The following ATP6V1C2 variants were observed in gnomAD, a reference collection of about 807,000 sequenced individuals.
The protein encoded by ATP6V1C2 is ATPase H+ transporting V1 subunit C2.
ATP6V1C2 carries 45 observed loss-of-function variants against 56.8 expected under a neutral mutation model. The ratio of observed to expected loss-of-function variants is 0.79; its 90% confidence interval spans 0.62 to 1.02. The LOEUF (loss-of-function observed/expected upper bound fraction) is 1.02. Ranked by LOEUF, ATP6V1C2 falls within the 50% of genes least tolerant of loss-of-function variation. ATP6V1C2 has a pLI of 0.00. For synonymous variants in ATP6V1C2, 220 were observed against 201.3 expected, an observed-to-expected ratio of 1.09 and a Z score of -0.79; for missense variants, 463 against 519.7, an observed-to-expected ratio of 0.89 and a Z score of 1.06.
intron 2 of ATP6V1C2, among the ~76,000 whole-genome samples, chr2:10,723,831 C>G (rs1456932256): frequency 1.0e-5 from 1 of 96,012 alleles, no homozygotes; most frequent in Non-Finnish European, 2.1e-5. Context: ...CGGCGAGACT[C>G]TGTCTCAAAA....
rs1665509947 is a variant in ATP6V1C2, at chr2:10,783,284, G to A, written c.*21G>A. 6.5e-7 allele frequency: 1 copy of A among 1,534,792 alleles called. No homozygotes were observed. Among genetic ancestry groups the A allele is most frequent in the Non-Finnish European group, 9.0e-7 (1 of 1,108,142 alleles). On this transcript the variant is annotated 3_prime_UTR_variant, in exon 14 of 14. Transcript: ENST00000272238. ...ACTAGAAAGGCCAGCTGGCACCTCT[G>A]TCTCATGTTCGTGCAGATTATTACA...
At chr2:10,782,629 G>A (rs745586651) in intron 13 of ATP6V1C2, among the ~76,000 whole-genome samples, 37 of 151,960 alleles carry the variant, frequency 2.4e-4, no homozygotes, top group Non-Finnish European at 4.9e-4. Flanking sequence ...TCAAGAGATG[G>A]AGACCAACCT....
chr2:10,784,566 C>T lies in ATP6V1C2; in HGVS notation c.*1303C>T, dbSNP rs1054767171. On this transcript the variant is annotated 3_prime_UTR_variant, in exon 14 of 14. Transcript: ENST00000272238. ...ATTTTAACACTGGAAGCCACTTGAA[C>T]GTGTCCTTTTGAGGAGGGTGGGACA... The T allele has an allele frequency of 3.8e-6, 2 of 523,376 alleles. No homozygotes were observed. Among genetic ancestry groups the T allele is most frequent in the Admixed American group, 3.7e-5 (1 of 27,296 alleles). 32.4% of individuals were successfully genotyped at this position (523,376 alleles called of 1,614,324 possible).
chr2:10,782,884 A>G (rs13422648), intron 13 of ATP6V1C2, among the ~76,000 whole-genome samples: 195 of 146,786 alleles, frequency 1.3e-3, no homozygotes, highest in African/African-American at 4.6e-3. Flanking sequence ...GTGGTGGTGC[A>G]TGCCTGTAAT....
At chr2:10,726,665 T>G (rs1287913731) in intron 3 of ATP6V1C2, 96 bp downstream of exon 3, 8 of 1,134,942 alleles carry the variant, frequency 7.0e-6, no homozygotes, top group Non-Finnish European at 1.1e-5. Context: ...AGTATGGACT[T>G]GTCTAGACCT....
In ATP6V1C2 at chr2:10,784,958, C is replaced by A; in HGVS notation, c.*1695C>A. On this transcript the variant is annotated 3_prime_UTR_variant, in exon 14 of 14. Transcript: ENST00000272238. ...CCTCGCCATCCCTGCCGTCCCAAGG[C>A]TCTCTCTCAACGATGGTAGGGAAAG... 6.3e-7 allele frequency: 1 copy of A among 1,590,224 alleles called. No homozygotes were observed. Among genetic ancestry groups the A allele is most frequent in the Non-Finnish European group, 8.6e-7 (1 of 1,166,922 alleles).
chr2:10,767,057 TTTA>T (rs1664269219), intron 5 of ATP6V1C2, among the ~76,000 whole-genome samples: 1 of 152,086 alleles, frequency 6.6e-6, no homozygotes, highest in Non-Finnish European at 1.5e-5. Flanking sequence ...AAAGATGCAT[TTTA>T]TTAAGAAAAA....
intron 12 of ATP6V1C2, among the ~76,000 whole-genome samples, chr2:10,779,200 G>A (rs1376989248): frequency 6.6e-6 from 1 of 151,552 alleles, no homozygotes; most frequent in Non-Finnish European, 1.5e-5. Flanking sequence ...CACCTCTCAG[G>A]TTCAAGAGAT....
In ATP6V1C2 at chr2:10,764,005, GCA is replaced by G. The variant is rs1178781802; in HGVS notation, c.284-325_284-324del. ...TTCCCCAGAGACTTTTCTCTAAATA[GCA>G]TATACTGAAAAACGCACCTCCCTGC... On this transcript the variant is annotated intron_variant, in intron 4 of 13. Coordinates refer to ENST00000272238, the MANE Select transcript of ATP6V1C2 (RefSeq NM_001039362.2). Among the ~76,000 whole-genome samples, 22 of 152,316 alleles carry G rather than the reference GCA, an allele frequency of 1.4e-4. No individual in the cohort carries two copies. The East Asian group carries it at 4.0e-3, about 28-fold the overall frequency.
intron 4 of ATP6V1C2, among the ~76,000 whole-genome samples, chr2:10,760,869 G>C (rs1198864): frequency 0.35 from 53,351 of 152,140 alleles, 9,939 homozygotes; most frequent in East Asian, 0.53. Context: ...ACAAGAGCTT[G>C]ATCTGAAATG....
chr2:10,739,440 G>C (rs1282778312), intron 3 of ATP6V1C2, among the ~76,000 whole-genome samples: 1 of 151,908 alleles, frequency 6.6e-6, no homozygotes, highest in Non-Finnish European at 1.5e-5. Flanking sequence ...CTGACCCCTA[G>C]CTAGACTTCC....
chr2:10,747,075 C>A (rs1309989759), intron 3 of ATP6V1C2, among the ~76,000 whole-genome samples: 2 of 152,164 alleles, frequency 1.3e-5, no homozygotes, highest in East Asian at 3.9e-4. Context: ...TCCAGACCAG[C>A]CTGACCAACA....
intron 12 of ATP6V1C2, among the ~76,000 whole-genome samples, chr2:10,781,147 A>G (rs1157938272): frequency 6.6e-6 from 1 of 152,136 alleles, no homozygotes; most frequent in Non-Finnish European, 1.5e-5. Context: ...GGAAAGGTTA[A>G]GGGCTGGAGC....
intron 4 of ATP6V1C2, among the ~76,000 whole-genome samples, chr2:10,757,833 T>C (rs1663645752): frequency 6.6e-6 from 1 of 152,186 alleles, no homozygotes; most frequent in African/African-American, 2.4e-5. Context: ...ACTGGAACCT[T>C]AAACTCCAGG....
intron 3 of ATP6V1C2, among the ~76,000 whole-genome samples, chr2:10,730,400 G>A (rs570644853): frequency 6.6e-6 from 1 of 152,262 alleles, no homozygotes; most frequent in East Asian, 1.9e-4. Context: ...ACAGGTGTGA[G>A]CCACTGTGCC....
At chr2:10,776,104 G>A (rs1180996437) in intron 10 of ATP6V1C2, among the ~76,000 whole-genome samples, 11 of 138,634 alleles carry the variant, frequency 7.9e-5, no homozygotes, top group Admixed American at 2.3e-4. Flanking sequence ...CAGCCACCCC[G>A]TCACAAGCGA....
At chr2:10,775,404 G>A (rs888335987) in intron 10 of ATP6V1C2, among the ~76,000 whole-genome samples, 5 of 152,196 alleles carry the variant, frequency 3.3e-5, no homozygotes, top group African/African-American at 1.2e-4. Context: ...GCTCTGAGAG[G>A]CAAGCTGGCC....
rs1428976542 is a variant in ATP6V1C2 at position 10,763,470 on chromosome 2, C to T, written c.284-861C>T. ...GGGGGTGGTGTCTAGTGTGTGTCCC[C>T]AGCAGGGTGATGGGTGTGGAGTGAG... On this transcript the variant is annotated intron_variant, in intron 4 of 13. Coordinates refer to ENST00000272238, the MANE Select transcript of ATP6V1C2 (RefSeq NM_001039362.2). This position sits in a 1 kb window ranked among gnomAD's most constrained non-coding sequence, Gnocchi z 4.2. 6.6e-5 allele frequency among the ~76,000 whole-genome samples: 10 copies of T among 152,172 alleles called. No homozygotes were observed. Among genetic ancestry groups the T allele is most frequent in the Non-Finnish European group, 1.0e-4 (7 of 68,028 alleles).
rs559062461 is a variant in ATP6V1C2, at chr2:10,763,451, G to A, written c.284-880G>A. Among the ~76,000 whole-genome samples, 1 of 152,252 alleles carries A rather than the reference G, an allele frequency of 6.6e-6. No individual in the cohort carries two copies. The highest frequency in any genetic ancestry group is 1.5e-5 in the Non-Finnish European group (1 of 68,000). On this transcript the variant is annotated intron_variant, in intron 4 of 13. Coordinates refer to ENST00000272238, the MANE Select transcript of ATP6V1C2 (RefSeq NM_001039362.2). This position sits in a 1 kb window ranked among gnomAD's most constrained non-coding sequence, Gnocchi z 4.2. ...TCCCTGTGGACCTTGGGCAGGGGGT[G>A]GTGTCTAGTGTGTGTCCCCAGCAGG... is the stretch of plus-strand genomic sequence containing the variant.
Sources: gnomAD v4.1 joint callset for allele counts (sites outside exome capture counted in the v4.1 genomes callset) on GRCh38, gnomAD v4.1.1 for gene constraint, Gnocchi (gnomAD v3.1) non-coding constraint, MANE v1.5 for transcripts, NCBI Gene and HGNC (gene_info 2026-07-23, HGNC 2026-07-21) for gene names.